The following MICU2 variants were observed in gnomAD, a reference collection of about 807,000 sequenced individuals.
MICU2 encodes calcium uptake protein 2, mitochondrial.
A neutral mutation model predicts 60.4 loss-of-function variants in MICU2; 64 were observed. That is an observed-to-expected ratio of 1.06 (90% confidence interval 0.87 to 1.31). The LOEUF is 1.31. Ranked by LOEUF, MICU2 falls within the 50% of genes most tolerant of loss-of-function variation. The pLI is 0.00. For synonymous variants in MICU2, 201 were observed against 175.0 expected (o/e 1.15, Z -1.17); for missense variants, 569 against 531.0 (o/e 1.07, Z -0.70).
chr13:21,532,396 T>G (rs1389516043), intron 4 of MICU2, among the ~76,000 whole-genome samples: 1 of 152,166 alleles, frequency 6.6e-6, no homozygotes, highest in African/African-American at 2.4e-5. Context: ...AGAAAAACAT[T>G]TTACTTGTCA....
chr13:21,592,400 C>G (rs1048720854), intron 1 of MICU2, among the ~76,000 whole-genome samples: 9 of 152,124 alleles, frequency 5.9e-5, no homozygotes, highest in Admixed American at 5.9e-4. Flanking sequence ...AAGCCCAGGA[C>G]CAGATGGATT....
intron 1 of MICU2, among the ~76,000 whole-genome samples, chr13:21,594,971 T>C (rs2138074000): frequency 6.6e-6 from 1 of 152,296 alleles, no homozygotes; most frequent in South Asian, 2.1e-4. Flanking sequence ...CAAACTTGCA[T>C]GTTCTGCACA....
rs1216806730 is a variant in MICU2, at chr13:21,585,281, T to C, written c.211-18337A>G. Among the ~76,000 whole-genome samples the C allele has an allele frequency of 2.6e-5, 4 of 152,252 alleles. No individual in the cohort carries two copies. In the East Asian group the frequency reaches 7.7e-4, roughly 29 times the overall value. On this transcript the variant is annotated intron_variant, in intron 1 of 11. Transcript: ENST00000382374. Reference sequence around the variant, plus strand: ...TCATCACCTGTTTCTACAGATATTTTTACCTGAGGCAGTAAAGTATAAAAA... The same window carrying C: ...TCATCACCTGTTTCTACAGATATTTCTACCTGAGGCAGTAAAGTATAAAAA...
At chr13:21,574,642 G>C (rs1343503026) in intron 1 of MICU2, among the ~76,000 whole-genome samples, 1 of 152,160 alleles carries the variant, frequency 6.6e-6, no homozygotes, top group African/African-American at 2.4e-5. Flanking sequence ...AAGAAAGTGG[G>C]AAAAGAAAGG....
chr13:21,577,822 A>C (rs1888259631), intron 1 of MICU2, among the ~76,000 whole-genome samples: 1 of 150,360 alleles, frequency 6.7e-6, no homozygotes, highest in African/African-American at 2.4e-5. Flanking sequence ...AAAAAAAAAA[A>C]AAAAAAGTTA....
intron 1 of MICU2, among the ~76,000 whole-genome samples, chr13:21,591,671 C>T (rs900075794): frequency 4.6e-5 from 7 of 151,822 alleles, no homozygotes; most frequent in African/African-American, 1.7e-4. Flanking sequence ...AATCACAGCA[C>T]TCTCTCAGAC....
At position 21,584,187 on chromosome 13, in the gene MICU2, A is replaced by G. The variant is rs529826418; in HGVS notation, c.211-17243T>C. 3.9e-5 allele frequency among the ~76,000 whole-genome samples: 6 copies of G among 152,140 alleles called. No individual in the cohort carries two copies. The East Asian group carries it at 1.2e-3, about 30-fold the overall frequency. ...GGTGGATCATGAGGTCAGGAGATCG[A>G]GACCATCATGGCTAACAGGGTGAAA... is the stretch of plus-strand genomic sequence containing the variant. On this transcript the variant is annotated intron_variant, in intron 1 of 11. Transcript: ENST00000382374.
At chr13:21,523,044 G>A (rs543200153) in intron 4 of MICU2, among the ~76,000 whole-genome samples, 1 of 152,310 alleles carries the variant, frequency 6.6e-6, no homozygotes, top group Non-Finnish European at 1.5e-5. Flanking sequence ...ACAAAAAGCA[G>A]AGGAAGGAGA....
intron 2 of MICU2, among the ~76,000 whole-genome samples, chr13:21,561,933 T>C (rs1887854957): frequency 7.1e-6 from 1 of 140,018 alleles, no homozygotes; most frequent in African/African-American, 2.7e-5. Flanking sequence ...CATTGTTCAA[T>C]TCCCATCTAT....
chr13:21,600,945 C>CG (rs1888800438), intron 1 of MICU2, among the ~76,000 whole-genome samples: 1 of 152,114 alleles, frequency 6.6e-6, no homozygotes, highest in Admixed American at 6.5e-5. Flanking sequence ...TACAGGCGCC[C>CG]GCCACCACGC....
At chr13:21,530,332 A>AT (rs1252563697) in intron 4 of MICU2, among the ~76,000 whole-genome samples, 3 of 152,008 alleles carry the variant, frequency 2.0e-5, no homozygotes, top group Non-Finnish European at 4.4e-5. Context: ...TTCCCCTCTC[A>AT]TCATGCTCAT....
rs1331018512 is a variant in MICU2, at chr13:21,522,637, A to G, written c.480T>C (p.Tyr160=). The change falls in exon 5 of 12, where the codon TAT becomes TAC. Residue 160 remains tyrosine (Y), a synonymous_variant. Transcript: ENST00000382374. The part of the protein sequence containing the change: ...RDLGDKGLIS[Y]TEYLFLLTIL... ...TTGTAAGCAAGAAAAGATACTCGGT[A>G]TATGAAATTAGCCCTGAAAGAGATA... The G allele has an allele frequency of 3.7e-6, 6 of 1,604,668 alleles. No individual in the cohort carries two copies. The highest frequency in any genetic ancestry group is 5.1e-6 in the Non-Finnish European group (6 of 1,175,170).
At chr13:21,580,347 A>G (rs780817058) in intron 1 of MICU2, among the ~76,000 whole-genome samples, 29 of 152,248 alleles carry the variant, frequency 1.9e-4, no homozygotes, top group South Asian at 1.2e-3. Flanking sequence ...CTTGTAGTTT[A>G]TAAGTTGTTA....
intron 1 of MICU2, among the ~76,000 whole-genome samples, chr13:21,569,071 G>A (rs1888047930): frequency 6.6e-6 from 1 of 152,104 alleles, no homozygotes; most frequent in Non-Finnish European, 1.5e-5. Context: ...AAAGGTAGAG[G>A]AATTGAAACT....
chr13:21,571,775 C>T (rs1888116821), intron 1 of MICU2, among the ~76,000 whole-genome samples: 1 of 152,152 alleles, frequency 6.6e-6, no homozygotes, highest in African/African-American at 2.4e-5. Context: ...AGGAGTTTGC[C>T]AAGACAGGGA....
chr13:21,597,016 C>A (rs188789861), intron 1 of MICU2, among the ~76,000 whole-genome samples: 59 of 152,194 alleles, frequency 3.9e-4, no homozygotes, highest in Non-Finnish European at 6.8e-4. Context: ...AAAATATAAT[C>A]TTAAATTCTA....
rs1381166691 is a variant in MICU2, at chr13:21,495,274, A to G, written c.1087T>C (p.Ser363Pro). 6.2e-7 allele frequency: 1 copy of G among 1,612,670 alleles called. No homozygotes were observed. Among genetic ancestry groups the G allele is most frequent in the Non-Finnish European group, 8.5e-7 (1 of 1,179,240 alleles). Residue 363 changes from serine (S) to proline (P), a missense_variant, in exon 11 of 12, where the codon TCA (serine) becomes CCA (proline). Physicochemically the swap from Ser to Pro is moderately conservative, Grantham distance 74 (BLOSUM62 -1). Transcript: ENST00000382374. ...AVKVATGQEL[S>P]NNILDTVFKI... ...AAGACAGTGTCCAAAATATTGTTTG[A>G]GAGTTCTTGTCCTGTTGCTACTTTC...
chr13:21,518,513 G>T (rs926684843), intron 6 of MICU2, among the ~76,000 whole-genome samples: 1 of 152,134 alleles, frequency 6.6e-6, no homozygotes, highest in African/African-American at 2.4e-5. Context: ...ACTATTCTTG[G>T]ATGTGTGTAC....
chr13:21,501,303 C>T (rs868269992), intron 9 of MICU2, among the ~76,000 whole-genome samples: 13 of 151,614 alleles, frequency 8.6e-5, no homozygotes, highest in Non-Finnish European at 1.3e-4. Flanking sequence ...TGCTCTGTCA[C>T]CCAGGCTGGA....
Sources: gnomAD v4.1 joint callset for allele counts (sites outside exome capture counted in the v4.1 genomes callset) on GRCh38, gnomAD v4.1.1 for gene constraint, MANE v1.5 for transcripts, NCBI Gene and HGNC (gene_info 2026-07-23, HGNC 2026-07-21) for gene names.